Variants in UNC13C observed in about 807,000 individuals in gnomAD.
The protein encoded by UNC13C is unc-13 homolog C, also known as protein unc-13 homolog C.
In UNC13C, 174 loss-of-function variants were observed where a neutral mutation model predicts 245.4. The observed-to-expected ratio is 0.71, with a 90% CI of 0.63 to 0.80. UNC13C has a LOEUF of 0.80. UNC13C is among the 30% of genes least tolerant of loss of function. The pLI, the probability that UNC13C is intolerant of heterozygous loss-of-function variation, is 0.00. For synonymous variants in UNC13C, 992 were observed against 895.1 expected (o/e 1.11, Z -1.93); for missense variants, 2,829 against 2,602.9 (o/e 1.09, Z -1.89).
chr15:54,407,858 A>G (rs1195255418), intron 18 of UNC13C, among the ~76,000 whole-genome samples: 1 of 152,100 alleles, frequency 6.6e-6, no homozygotes, highest in African/African-American at 2.4e-5. Flanking sequence ...AAAGAAAGAA[A>G]AAGTTAACTG....
At chr15:54,147,254 C>A (rs2032303206) in intron 4 of UNC13C, among the ~76,000 whole-genome samples, 1 of 145,442 alleles carries the variant, frequency 6.9e-6, no homozygotes, top group African/African-American at 2.5e-5. Context: ...GAGTCTTGCT[C>A]TGTTGCCCAG....
At chr15:54,155,384 C>T (rs2141257110) in intron 4 of UNC13C, among the ~76,000 whole-genome samples, 1 of 152,276 alleles carries the variant, frequency 6.6e-6, no homozygotes. Context: ...TTGCCACATT[C>T]TATTGTGAAA....
intron 19 of UNC13C, among the ~76,000 whole-genome samples, chr15:54,453,522 A>G (rs540909742): frequency 6.6e-6 from 1 of 152,346 alleles, no homozygotes; most frequent in African/African-American, 2.4e-5. Flanking sequence ...CTATATTTGG[A>G]TAATCAGGTT....
At chr15:54,619,213 A>C (rs1196685301) in intron 30 of UNC13C, among the ~76,000 whole-genome samples, 1 of 151,998 alleles carries the variant, frequency 6.6e-6, no homozygotes, top group Non-Finnish European at 1.5e-5. Flanking sequence ...TTTTGCTAAG[A>C]TATCTGTATC....
the UNC13C span, among the ~76,000 whole-genome samples, chr15:53,869,405 T>G: frequency 7.4e-6 from 1 of 135,692 alleles, no homozygotes. Context: ...CATTAATATT[T>G]TACTCCACGA....
At position 54,250,456 on chromosome 15, in the gene UNC13C, G is replaced by C. The variant is rs753810644; in HGVS notation, c.3448+12G>C. The stretch of plus-strand genomic sequence containing the variant: ...TGACTGCTTGCAGAGTGAGTACTTG[G>C]TTTGGCTGAAAAAGTGGTATGCAGA... On this transcript the variant is annotated intron_variant, in intron 8 of 32. Transcript: ENST00000260323. 1.3e-6 allele frequency: 2 copies of C among 1,589,704 alleles called. No homozygotes were observed.
At chr15:54,171,918 T>G (rs2033412399) in intron 4 of UNC13C, among the ~76,000 whole-genome samples, 1 of 152,088 alleles carries the variant, frequency 6.6e-6, no homozygotes, top group South Asian at 2.1e-4. Context: ...GGAGTATTAT[T>G]GAGCCATGAA....
At chr15:54,434,841 A>T (rs1341923516) in intron 19 of UNC13C, among the ~76,000 whole-genome samples, 1 of 152,176 alleles carries the variant, frequency 6.6e-6, no homozygotes, top group Non-Finnish European at 1.5e-5. Context: ...TCCATCTGAC[A>T]AAGGGCTAAT....
intron 10 of UNC13C, among the ~76,000 whole-genome samples, chr15:54,281,198 A>G (rs1183550081): frequency 1.3e-5 from 2 of 152,134 alleles, no homozygotes; most frequent in African/African-American, 4.8e-5. Context: ...AAGTGCTATT[A>G]TTTTTCCAAA....
chr15:53,960,318 T>C, the UNC13C span, among the ~76,000 whole-genome samples: 2 of 151,050 alleles, frequency 1.3e-5, no homozygotes, highest in Non-Finnish European at 2.9e-5. Context: ...AAGACTTATG[T>C]ATATAATCTA....
At chr15:54,365,014 G>C (rs1448274283) in intron 17 of UNC13C, among the ~76,000 whole-genome samples, 1 of 152,162 alleles carries the variant, frequency 6.6e-6, no homozygotes, top group Non-Finnish European at 1.5e-5. Context: ...TAGCCCCTAA[G>C]ATGGCACAGC....
chr15:54,210,237 A>AATAT (rs5812750), intron 4 of UNC13C, among the ~76,000 whole-genome samples: 15 of 146,188 alleles, frequency 1.0e-4, no homozygotes, highest in African/African-American at 2.2e-4. Flanking sequence ...TAACTGCATT[A>AATAT]ATATATATAT....
At chr15:54,236,374 C>G in intron 5 of UNC13C, 56 bp from the exon 6 acceptor site, 1 of 1,399,148 alleles carries the variant, frequency 7.1e-7, no homozygotes, top group Non-Finnish European at 1.0e-6. Context: ...TCTTTTCCTA[C>G]CTTTCATGTA....
At chr15:53,928,416 G>A in the UNC13C span, among the ~76,000 whole-genome samples, 48 of 152,282 alleles carry the variant, frequency 3.2e-4, no homozygotes, top group Admixed American at 2.6e-3. Flanking sequence ...TGCCCTGGGC[G>A]AGCCAGGTGT....
chr15:54,597,292 G>A (rs1899140689), intron 30 of UNC13C, among the ~76,000 whole-genome samples: 1 of 152,154 alleles, frequency 6.6e-6, no homozygotes. Context: ...AGGGACCACT[G>A]CTCAGGAAGG....
chr15:54,615,104 A>G (rs1277033798), intron 30 of UNC13C, among the ~76,000 whole-genome samples: 1 of 151,858 alleles, frequency 6.6e-6, no homozygotes, highest in Non-Finnish European at 1.5e-5. Context: ...CACTTTTTAA[A>G]TTTTTCGTGG....
intron 23 of UNC13C, among the ~76,000 whole-genome samples, chr15:54,509,908 T>G (rs925346497): frequency 1.3e-5 from 2 of 152,178 alleles, no homozygotes; most frequent in African/African-American, 4.8e-5. Flanking sequence ...TCCGGATAAC[T>G]GCATCTCCTC....
the UNC13C span, among the ~76,000 whole-genome samples, chr15:53,889,199 CATTT>C: frequency 6.6e-6 from 1 of 152,100 alleles, no homozygotes; most frequent in Non-Finnish European, 1.5e-5. Context: ...AATGTTTTTC[CATTT>C]GTTTGTGTCC....
chr15:54,473,791 T>C (rs1293975978), intron 19 of UNC13C, among the ~76,000 whole-genome samples: 1 of 152,008 alleles, frequency 6.6e-6, no homozygotes, highest in East Asian at 1.9e-4. Flanking sequence ...TTGTTACACA[T>C]GTAGTGGTGA....
Sources: gnomAD v4.1 joint callset for allele counts (sites outside exome capture counted in the v4.1 genomes callset) on GRCh38, gnomAD v4.1.1 for gene constraint, MANE v1.5 for transcripts, NCBI Gene and HGNC (gene_info 2026-07-23, HGNC 2026-07-21) for gene names.